CLASRP: variants seen among roughly 807,000 people sequenced by gnomAD.
The protein encoded by CLASRP is CLK4 associating serine/arginine rich protein.
In CLASRP, 52 loss-of-function variants were observed where a neutral mutation model predicts 99.9. The ratio of observed to expected loss-of-function variants is 0.52; its 90% CI spans 0.42 to 0.66. CLASRP has a LOEUF of 0.66. CLASRP is among the 30% of genes least tolerant of loss of function. The pLI is 0.00. For synonymous variants in CLASRP, 379 were observed against 373.0 expected, an observed-to-expected ratio of 1.02 and a Z score of -0.18; for missense variants, 848 against 999.2, an observed-to-expected ratio of 0.85 and a Z score of 2.04.
chr19:45,062,842 G>T (rs1357265672), intron 11 of CLASRP, among the ~76,000 whole-genome samples: 2 of 152,170 alleles, frequency 1.3e-5, no homozygotes, highest in African/African-American at 2.4e-5. Context: ...GAAATAACGG[G>T]CACTCAGTAG....
At position 45,052,858 on chromosome 19, in the gene CLASRP, A is replaced by G; in HGVS notation, c.265A>G (p.Ile89Val). 1 of 1,612,208 alleles carries G rather than the reference A, an allele frequency of 6.2e-7. No individual in the cohort carries two copies. Among genetic ancestry groups the G allele is most frequent in the Non-Finnish European group, 8.5e-7 (1 of 1,179,242 alleles). The change falls in exon 4 of 21, where the codon ATC becomes GTC. Residue 89 changes from isoleucine (I) to valine (V), a missense_variant. Coordinates refer to ENST00000221455, the MANE Select transcript of CLASRP (RefSeq NM_007056.3). Reference sequence around the variant, plus strand: ...CGATGTCCGTGCCCACCTGGACCACATCCCCGACTACACCCCCCCTCTGCT... The same window carrying G: ...CGATGTCCGTGCCCACCTGGACCACGTCCCCGACTACACCCCCCCTCTGCT... ...RFDVRAHLDH[I>V]PDYTPPLLTT...
intron 2 of CLASRP, among the ~76,000 whole-genome samples, chr19:45,048,141 C>T (rs1600097054): frequency 1.3e-5 from 2 of 151,970 alleles, no homozygotes; most frequent in African/African-American, 4.8e-5. Flanking sequence ...ATTTTGTAGT[C>T]AGGCCCATCT....
intron 2 of CLASRP, among the ~76,000 whole-genome samples, chr19:45,050,970 C>T (rs1025395932): frequency 6.6e-5 from 10 of 151,972 alleles, no homozygotes; most frequent in African/African-American, 2.2e-4. Context: ...CCGCCTGCCT[C>T]GGCCTCCCAA....
At chr19:45,041,451 C>CCT (rs1971812598) in intron 2 of CLASRP, among the ~76,000 whole-genome samples, 1 of 152,148 alleles carries the variant, frequency 6.6e-6, no homozygotes, top group African/African-American at 2.4e-5. Context: ...ATTACCCCCC[C>CCT]TCACCTATTT....
At chr19:45,058,058 GTCC>G (rs945392299) in intron 7 of CLASRP, 160 bp downstream of exon 7, 143 of 814,952 alleles carry the variant, frequency 1.8e-4, no homozygotes, top group East Asian at 7.0e-4. Context: ...TCTCACTCCT[GTCC>G]TCCTCCGTTC....
chr19:45,043,630 G>A (rs1182623285), intron 2 of CLASRP, among the ~76,000 whole-genome samples: 1 of 152,094 alleles, frequency 6.6e-6, no homozygotes, highest in Non-Finnish European at 1.5e-5. Context: ...TGTGAGAGAT[G>A]CAGGATTTTT....
chr19:45,047,973 G>T (rs946278035), intron 2 of CLASRP, among the ~76,000 whole-genome samples: 3 of 151,760 alleles, frequency 2.0e-5, no homozygotes, highest in Non-Finnish European at 4.4e-5. Flanking sequence ...TACTCGGGAG[G>T]CTGAGGCAGG....
intron 2 of CLASRP, among the ~76,000 whole-genome samples, chr19:45,051,540 A>G (rs1052640760): frequency 3.3e-5 from 5 of 152,070 alleles, no homozygotes; most frequent in Admixed American, 3.3e-4. Flanking sequence ...TCCTGACTTC[A>G]GATGACCTGC....
intron 8 of CLASRP, 102 bp downstream of exon 8, chr19:45,059,466 T>A: frequency 9.8e-7 from 1 of 1,015,278 alleles, no homozygotes; most frequent in African/African-American, 1.6e-5. Flanking sequence ...TGAGCATTTG[T>A]GTGCCTGGCC....
intron 1 of CLASRP, 69 bp from the exon 2 acceptor site, chr19:45,040,115 A>G (rs11879122): frequency 0.015 from 11,881 of 797,338 alleles, 178 homozygotes; most frequent in Middle Eastern, 0.053. Flanking sequence ...CCAACTTGTT[A>G]GATGACTTTG....
intron 1 of CLASRP, among the ~76,000 whole-genome samples, chr19:45,039,350 C>A (rs1027356936): frequency 5.3e-5 from 8 of 151,354 alleles, no homozygotes; most frequent in African/African-American, 1.9e-4. Context: ...GGCCCCGCCC[C>A]CTTGTCAAAA....
At chr19:45,058,010 A>C (rs1600105494) in intron 7 of CLASRP, 112 bp downstream of exon 7, 12 of 1,379,444 alleles carry the variant, frequency 8.7e-6, no homozygotes, top group Admixed American at 6.1e-5. Flanking sequence ...CTCTCTCCCT[A>C]CCCCGCCCCA....
chr19:45,056,326 T>C (rs1972118019), intron 5 of CLASRP, 124 bp from the exon 6 acceptor site: 11 of 758,720 alleles, frequency 1.4e-5, no homozygotes, highest in South Asian at 3.1e-5. Context: ...CTGGAAGTGG[T>C]GACTGCCCCC....
intron 2 of CLASRP, among the ~76,000 whole-genome samples, chr19:45,050,724 T>G (rs1972007214): frequency 6.6e-6 from 1 of 152,090 alleles, no homozygotes; most frequent in African/African-American, 2.4e-5. Flanking sequence ...TTGTTTTTTG[T>G]TTTTGGAGAT....
intron 5 of CLASRP, among the ~76,000 whole-genome samples, chr19:45,053,591 GC>G (rs1469402767): frequency 6.6e-6 from 1 of 152,058 alleles, no homozygotes; most frequent in Non-Finnish European, 1.5e-5. Flanking sequence ...TGATTATCCT[GC>G]CTCAGCCTCC....
chr19:45,069,403 T>G (rs1967180887), intron 18 of CLASRP, among the ~76,000 whole-genome samples, 155 bp downstream of exon 18: 1 of 152,194 alleles, frequency 6.6e-6, no homozygotes, highest in African/African-American at 2.4e-5. Flanking sequence ...CAGCTGCCTC[T>G]CTTGCTCCTC....
chr19:45,044,610 T>TA (rs1007005825), intron 2 of CLASRP, among the ~76,000 whole-genome samples: 6 of 151,330 alleles, frequency 4.0e-5, no homozygotes, highest in African/African-American at 1.5e-4. Context: ...CAAAAAATAA[T>TA]AAAAAAAAAT....
chr19:45,060,631 G>A lies in CLASRP; in HGVS notation c.863+4G>A. The A allele has an allele frequency of 6.3e-7, 1 of 1,591,364 alleles. No individual in the cohort carries two copies. The highest frequency in any genetic ancestry group is 2.3e-5 in the East Asian group (1 of 44,286). On this transcript the variant is annotated splice_donor_region_variant and intron_variant, in intron 10 of 20. Coordinates refer to ENST00000221455, the MANE Select transcript of CLASRP (RefSeq NM_007056.3). This position sits in a 1 kb window ranked among gnomAD's most constrained non-coding sequence, Gnocchi z 4.6. ...GTCGCAAGATCAGCCCACCCAGGTA[G>A]GGCTTCTCCCTGAACCCCCACCCTG... is the stretch of plus-strand genomic sequence containing the variant.
At chr19:45,039,414 C>A in intron 1 of CLASRP, 1 of 152,368 alleles carries the variant, frequency 6.6e-6, no homozygotes, top group Non-Finnish European at 1.5e-5. Context: ...CGACGCGATC[C>A]ACAAGCCCCG....
Sources: gnomAD v4.1 joint callset for allele counts (sites outside exome capture counted in the v4.1 genomes callset) on GRCh38, gnomAD v4.1.1 for gene constraint, Gnocchi (gnomAD v3.1) non-coding constraint, MANE v1.5 for transcripts, NCBI Gene and HGNC (gene_info 2026-07-23, HGNC 2026-07-21) for gene names.